Variants in MICAL3 observed in about 807,000 individuals in gnomAD.
MICAL3 encodes microtubule associated monooxygenase, calponin and LIM domain containing 3.
MICAL3 carries 62 observed loss-of-function variants against 207.4 expected under a neutral mutation model. The observed-to-expected ratio is 0.30, with a 90% CI of 0.24 to 0.37. The LOEUF is 0.37. Ranked by LOEUF, MICAL3 falls within the 10% of genes least tolerant of loss-of-function variation. MICAL3 has a pLI of 1.00. For missense variants in MICAL3, 2,368 were observed against 2,635.6 expected, an observed-to-expected ratio of 0.90 and a Z score of 2.22; for synonymous variants, 1,077 against 1,069.3, an observed-to-expected ratio of 1.01 and a Z score of -0.14.
chr22:17,834,858 G>A (rs1187365581), intron 20 of MICAL3, among the ~76,000 whole-genome samples: 1 of 152,208 alleles, frequency 6.6e-6, no homozygotes, highest in Non-Finnish European at 1.5e-5. Flanking sequence ...ATTTAACACT[G>A]TTTGAACATA....
intron 16 of MICAL3, among the ~76,000 whole-genome samples, chr22:17,881,462 G>A (rs955343317): frequency 5.3e-5 from 8 of 152,172 alleles, no homozygotes; most frequent in African/African-American, 1.7e-4. Context: ...TCTCCCGTGG[G>A]CCCCCAGGTG....
At chr22:18,014,622 C>T (rs1569167793) in intron 1 of MICAL3, among the ~76,000 whole-genome samples, 1 of 152,198 alleles carries the variant, frequency 6.6e-6, no homozygotes, top group Non-Finnish European at 1.5e-5. Context: ...TCTTACAATT[C>T]TCTTAATGGG....
intron 21 of MICAL3, among the ~76,000 whole-genome samples, chr22:17,830,559 C>T (rs976726122): frequency 7.2e-5 from 11 of 152,206 alleles, no homozygotes; most frequent in East Asian, 1.9e-4. Context: ...AACAAAACAC[C>T]GTGCCCTGGA....
At chr22:17,960,106 C>A (rs1011649067) in intron 1 of MICAL3, among the ~76,000 whole-genome samples, 3 of 152,180 alleles carry the variant, frequency 2.0e-5, no homozygotes, top group Non-Finnish European at 4.4e-5. Flanking sequence ...CCACAGTTCC[C>A]GGAAGGCATC....
At chr22:18,012,448 G>A (rs961996068) in intron 1 of MICAL3, among the ~76,000 whole-genome samples, 2 of 152,132 alleles carry the variant, frequency 1.3e-5, no homozygotes, top group African/African-American at 4.8e-5. Context: ...GGTAAGGGAG[G>A]GCCAGACAGT....
chr22:18,011,938 T>A lies in MICAL3; in HGVS notation c.-75+12343A>T, dbSNP rs182412194. On this transcript the variant is annotated intron_variant, in intron 1 of 31. Transcript: ENST00000441493. ...AATAAATAAATAATAAAAAATTTTT[T>A]AAAAAAGAACTTAGAGCAGGGTCTG... 9.0e-3 allele frequency among the ~76,000 whole-genome samples: 1,352 copies of A among 149,908 alleles called. 17 individuals carry two copies. The highest frequency in any genetic ancestry group is 0.03 in the African/African-American group (1,236 of 40,950).
rs763432871 is a variant in MICAL3 at position 17,904,741 on chromosome 22, G to C, written c.363C>G (p.Phe121Leu). ...AGAGATGCAAGACGTTGTTGCGGGA[G>C]AAGGCATCTCGTTTCTCAATAACAA... Reference protein sequence around the residue: ...KVVVIEKRDAFSRNNVLHLWP... With the variant: ...KVVVIEKRDALSRNNVLHLWP... Residue 121 changes from phenylalanine to leucine, a missense_variant, in exon 3 of 32, where the codon TTC becomes TTG. By Grantham distance (22) the Phe-to-Leu change is conservative. Coordinates refer to ENST00000441493, the MANE Select transcript of MICAL3 (RefSeq NM_015241.3). 1 of 1,613,822 alleles carries C rather than the reference G, an allele frequency of 6.2e-7. No homozygotes were observed. Among genetic ancestry groups the C allele is most frequent in the Non-Finnish European group, 8.5e-7 (1 of 1,179,702 alleles).
intron 19 of MICAL3, 50 bp downstream of exon 19, chr22:17,864,849 G>C: frequency 2.5e-6 from 4 of 1,613,946 alleles, no homozygotes; most frequent in Non-Finnish European, 3.4e-6. Context: ...CCTTGTCACA[G>C]AGGCCGAGGG....
intron 16 of MICAL3, chr22:17,879,285 C>T: frequency 6.9e-7 from 1 of 1,458,936 alleles, no homozygotes; most frequent in Non-Finnish European, 9.3e-7. Context: ...GCCCCACCAC[C>T]ACAGCGTGCC....
intron 1 of MICAL3, among the ~76,000 whole-genome samples, chr22:17,982,845 T>C (rs928749663): frequency 6.6e-6 from 1 of 152,136 alleles, no homozygotes; most frequent in African/African-American, 2.4e-5. Context: ...ACAGAAACAC[T>C]TAGGTAGCAG....
intron 19 of MICAL3, among the ~76,000 whole-genome samples, chr22:17,850,317 G>C (rs80170154): frequency 0.011 from 1,629 of 151,632 alleles, 15 homozygotes; most frequent in Non-Finnish European, 0.016. Flanking sequence ...TGAGGACACC[G>C]CTAGGGGGGA....
chr22:18,003,855 C>T (rs1014689124), intron 1 of MICAL3, among the ~76,000 whole-genome samples: 4 of 152,040 alleles, frequency 2.6e-5, no homozygotes, highest in East Asian at 3.8e-4. Flanking sequence ...CTGCAACCTC[C>T]GCCTCCCGGG....
chr22:17,791,690 C>T (rs941218152), intron 29 of MICAL3: 8 of 219,680 alleles, frequency 3.6e-5, no homozygotes, highest in South Asian at 8.0e-5. Context: ...TCTTGTTAAA[C>T]GAGACAAATG....
rs529807180 is a variant in MICAL3, at chr22:17,794,918, C to T, written c.5651-3617G>A. On this transcript the variant is annotated intron_variant, in intron 29 of 31. Transcript: ENST00000441493. Reference sequence around the variant, plus strand: ...CAGGAAGACACGGGGCCTCGGCCCGCGGGGAGGGCAGTGTGTGGTTTACAG... The same window carrying T: ...CAGGAAGACACGGGGCCTCGGCCCGTGGGGAGGGCAGTGTGTGGTTTACAG... 9.2e-5 allele frequency among the ~76,000 whole-genome samples: 14 copies of T among 152,222 alleles called. No individual in the cohort carries two copies. The East Asian group carries it at 1.2e-3, about 13-fold the overall frequency.
chr22:17,828,253 C>T lies in MICAL3; in HGVS notation c.3056-472G>A, dbSNP rs529606843. Among the ~76,000 whole-genome samples, 5 of 152,342 alleles carry T rather than the reference C, an allele frequency of 3.3e-5. No homozygotes were observed. In the South Asian group the frequency reaches 8.3e-4, roughly 25 times the overall value. On this transcript the variant is annotated intron_variant, in intron 21 of 31. Transcript: ENST00000441493. ...CCTCTGCTGGTCACACAGCAAGGTG[C>T]CCACCACCACTCGCCCAGCTGATGG...
At chr22:17,836,990 T>G (rs1923462822) in intron 20 of MICAL3, among the ~76,000 whole-genome samples, 1 of 152,192 alleles carries the variant, frequency 6.6e-6, no homozygotes, top group African/African-American at 2.4e-5. Context: ...GGTTTTCACT[T>G]TTAAATTAAC....
At chr22:17,845,019 C>G (rs904230996) in intron 19 of MICAL3, among the ~76,000 whole-genome samples, 4 of 152,186 alleles carry the variant, frequency 2.6e-5, no homozygotes, top group African/African-American at 9.7e-5. Flanking sequence ...CAGGGGAGGG[C>G]TGAGGATACA....
intron 16 of MICAL3, among the ~76,000 whole-genome samples, chr22:17,872,399 C>T (rs1010787951): frequency 2.0e-5 from 3 of 151,714 alleles, no homozygotes; most frequent in Admixed American, 1.3e-4. Context: ...GGGAGAGGGG[C>T]GAGAAGGGAT....
At chr22:17,934,473 T>A (rs553023533) in intron 1 of MICAL3, among the ~76,000 whole-genome samples, 67 of 152,286 alleles carry the variant, frequency 4.4e-4, no homozygotes, top group African/African-American at 1.6e-3. Context: ...TAATAAGAGT[T>A]ATTTATGACA....
Sources: allele counts gnomAD v4.1 joint callset (sites outside exome capture counted in the v4.1 genomes callset), GRCh38; gene constraint gnomAD v4.1.1; transcripts MANE v1.5; gene names NCBI Gene and HGNC (gene_info 2026-07-23, HGNC 2026-07-21).